Variants in SLC5A1 observed in about 807,000 individuals in gnomAD.
The protein encoded by SLC5A1 is sodium/glucose cotransporter 1.
A neutral mutation model predicts 73.5 loss-of-function variants in SLC5A1; 42 were observed. That is an observed-to-expected ratio of 0.57 (90% CI 0.45 to 0.74). The LOEUF (loss-of-function observed/expected upper bound fraction) is 0.74. Ranked by LOEUF, SLC5A1 falls within the 30% of genes least tolerant of loss-of-function variation. The pLI, the probability that SLC5A1 is intolerant of heterozygous loss-of-function variation, is 0.00. For synonymous variants in SLC5A1, 300 were observed against 317.4 expected (o/e 0.95, Z 0.58); for missense variants, 634 against 855.4 (o/e 0.74, Z 3.23).
Position 32,102,195 on chromosome 22 carries a change from C to T in SLC5A1, c.1623C>T (p.Ile541=), listed in dbSNP as rs200863427. The T allele has an allele frequency of 7.7e-5, 124 of 1,614,010 alleles. No individual in the cohort carries two copies. The highest frequency in any genetic ancestry group is 9.7e-5 in the Non-Finnish European group (115 of 1,180,016). Residue 541 remains isoleucine, a synonymous_variant, in exon 13 of 15, where the codon ATC becomes ATT. Coordinates refer to ENST00000266088, the MANE Select transcript of SLC5A1 (RefSeq NM_000343.4). The part of the protein sequence containing the change: ...IILFAISFIT[I]VVISLLTKPI... ...TCTTCGCCATTTCTTTCATCACCATCGTGGTCATCTCCCTCCTCACCAAAC... is the reference window on the plus strand; with the variant it reads ...TCTTCGCCATTTCTTTCATCACCATTGTGGTCATCTCCCTCCTCACCAAAC...
intron 1 of SLC5A1, 136 bp from the exon 2 acceptor site, chr22:32,049,807 G>T: frequency 1.3e-6 from 1 of 792,962 alleles, no homozygotes; most frequent in South Asian, 1.3e-5. Flanking sequence ...TGAGGCTGCA[G>T]GGGAAGAAGG....
At chr22:32,049,115 CATT>C (rs1223489573) in intron 1 of SLC5A1, among the ~76,000 whole-genome samples, 3 of 140,154 alleles carry the variant, frequency 2.1e-5, no homozygotes, top group East Asian at 2.0e-4. Context: ...TATATATAAT[CATT>C]ATATATATAT....
intron 2 of SLC5A1, among the ~76,000 whole-genome samples, chr22:32,052,893 G>A (rs946381494): frequency 2.6e-5 from 4 of 152,164 alleles, no homozygotes; most frequent in South Asian, 4.1e-4. Flanking sequence ...GGCCTCTGGT[G>A]CAGGGGCCAC....
chr22:32,084,297 G>A, intron 7 of SLC5A1, 142 bp from the exon 8 acceptor site: 1 of 730,896 alleles, frequency 1.4e-6, no homozygotes, highest in Non-Finnish European at 2.4e-6. Flanking sequence ...GCCCAGAATG[G>A]GAAGGTGATT....
At chr22:32,078,933 G>A (rs928542093) in intron 5 of SLC5A1, among the ~76,000 whole-genome samples, 1 of 119,680 alleles carries the variant, frequency 8.4e-6, no homozygotes. Flanking sequence ...CCAGCCTGGC[G>A]AAAGAGCAAG....
Position 32,066,956 on chromosome 22 carries a change from A to G in SLC5A1, c.229A>G (p.Ser77Gly). Residue 77 changes from serine (S) to glycine (G), a missense_variant, in exon 3 of 15, where the codon AGT (serine) becomes GGT (glycine). Around this residue, in one of 3 missense-constraint regions of SLC5A1, gnomAD observed 422 missense variants for 626.1 expected, o/e 0.67. Coordinates refer to ENST00000266088, the MANE Select transcript of SLC5A1 (RefSeq NM_000343.4). ...CCAGATTGGAGCCTCCCTCTTTGCTAGTAACATTGGAAGTGGCCACTTTGT... is the reference window on the plus strand; with the variant it reads ...CCAGATTGGAGCCTCCCTCTTTGCTGGTAACATTGGAAGTGGCCACTTTGT... ...WWPIGASLFA[S>G]NIGSGHFVGL... 2 of 1,613,292 alleles carry G rather than the reference A, an allele frequency of 1.2e-6. No homozygotes were observed. Among genetic ancestry groups the G allele is most frequent in the Non-Finnish European group, 1.7e-6 (2 of 1,179,422 alleles).
chr22:32,101,283 G>A (rs997177536), intron 12 of SLC5A1, among the ~76,000 whole-genome samples: 1 of 151,804 alleles, frequency 6.6e-6, no homozygotes, highest in Admixed American at 6.6e-5. Flanking sequence ...CTTTAGGTGA[G>A]GACTTACCTA....
chr22:32,076,960 T>C (rs987254609), intron 5 of SLC5A1, among the ~76,000 whole-genome samples: 6 of 152,224 alleles, frequency 3.9e-5, no homozygotes, highest in Non-Finnish European at 8.8e-5. Context: ...TTTTTGTAAG[T>C]AAAGTTTTAC....
At chr22:32,094,301 CTTTT>C (rs901686824) in intron 11 of SLC5A1, among the ~76,000 whole-genome samples, 2 of 152,002 alleles carry the variant, frequency 1.3e-5, no homozygotes, top group Non-Finnish European at 2.9e-5. Flanking sequence ...CTGTAGTTGT[CTTTT>C]TTTGTTATGT....
chr22:32,108,717 T>C (rs772286713), intron 14 of SLC5A1, among the ~76,000 whole-genome samples: 1 of 152,208 alleles, frequency 6.6e-6, no homozygotes, highest in East Asian at 1.9e-4. Flanking sequence ...AATTCTTCAT[T>C]AGTACAATGA....
intron 5 of SLC5A1, among the ~76,000 whole-genome samples, chr22:32,080,206 C>T (rs1339679098): frequency 6.6e-6 from 1 of 152,152 alleles, no homozygotes; most frequent in Non-Finnish European, 1.5e-5. Flanking sequence ...GCTCTGCCTC[C>T]CCTCCTTCAC....
At chr22:32,075,993 C>A (rs1218197794) in intron 5 of SLC5A1, among the ~76,000 whole-genome samples, 1 of 152,118 alleles carries the variant, frequency 6.6e-6, no homozygotes, top group Non-Finnish European at 1.5e-5. Context: ...TCCACACAAA[C>A]CAAGATTCAC....
chr22:32,049,095 T>A (rs8138459), intron 1 of SLC5A1, among the ~76,000 whole-genome samples: 6,009 of 131,108 alleles, frequency 0.046, 271 homozygotes, highest in Non-Finnish European at 0.06. Context: ...TAAATAAATA[T>A]ATATATATAT....
chr22:32,110,175 G>A lies in SLC5A1; in HGVS notation c.1957G>A (p.Val653Met), dbSNP rs1281443581. The A allele has an allele frequency of 1.9e-6, 3 of 1,614,000 alleles. No homozygotes were observed. The highest frequency in any genetic ancestry group is 1.3e-5 in the African/African-American group (1 of 74,918). ...TVLNVNGIIL[V>M]TVAVFCHAYF... ...GTTGAACGTCAATGGCATCATCCTG[G>A]TGACCGTGGCTGTCTTTTGCCATGC... Residue 653 changes from valine (V) to methionine (M), a missense_variant, in exon 15 of 15, where the codon GTG becomes ATG. Coordinates refer to ENST00000266088, the MANE Select transcript of SLC5A1 (RefSeq NM_000343.4).
chr22:32,100,682 C>T lies in SLC5A1; in HGVS notation c.1449+1331C>T, dbSNP rs78367368. On this transcript the variant is annotated intron_variant, in intron 12 of 14. Transcript: ENST00000266088. ...TCTTCTGCCTCAGCCTCCAAAGTAG[C>T]GAGGACTACAGGCACACCCCATGCC... is the stretch of plus-strand genomic sequence containing the variant. 7.4e-3 allele frequency among the ~76,000 whole-genome samples: 1,122 copies of T among 152,186 alleles called. 21 individuals carry two copies. The highest frequency in any genetic ancestry group is 0.026 in the African/African-American group (1,062 of 41,520).
chr22:32,112,117 A>G lies in SLC5A1; in HGVS notation c.*1904A>G, dbSNP rs764350194. Reference sequence around the variant, plus strand: ...AAACAGAGACATAAATGCCTGGCTCACAGATTTAAATGTTATACATTGACA... The same window carrying G: ...AAACAGAGACATAAATGCCTGGCTCGCAGATTTAAATGTTATACATTGACA... On this transcript the variant is annotated 3_prime_UTR_variant, in exon 15 of 15. Transcript: ENST00000266088. 4 of 152,222 alleles carry G rather than the reference A, an allele frequency of 2.6e-5. No homozygotes were observed. The highest frequency in any genetic ancestry group is 4.4e-5 in the Non-Finnish European group (3 of 68,048). 9.4% of individuals were successfully genotyped at this position (152,222 alleles called of 1,614,324 possible).
At chr22:32,081,260 A>G (rs2093999370) in intron 5 of SLC5A1, among the ~76,000 whole-genome samples, 1 of 152,206 alleles carries the variant, frequency 6.6e-6, no homozygotes, top group South Asian at 2.1e-4. Flanking sequence ...ATTACATGAA[A>G]TAATCTAAAT....
In SLC5A1 at chr22:32,110,564, T is replaced by TA. The variant is rs2094054841; in HGVS notation, c.*352dup. The TA allele has an allele frequency of 2.9e-6, 1 of 346,948 alleles. No homozygotes were observed. The highest frequency in any genetic ancestry group is 2.1e-5 in the African/African-American group (1 of 47,386). 21.5% of individuals were successfully genotyped at this position (346,948 alleles called of 1,614,324 possible). ...GTCAGTGTGGTTTATAATCCTTGAA[T>TA]ATTGTTTTAGAAACTTTGGTCTCCC... On this transcript the variant is annotated 3_prime_UTR_variant, in exon 15 of 15. Transcript: ENST00000266088.
intron 11 of SLC5A1, among the ~76,000 whole-genome samples, chr22:32,094,546 A>G (rs189402443): frequency 8.7e-4 from 132 of 152,198 alleles, no homozygotes; most frequent in African/African-American, 3.0e-3. Flanking sequence ...CAGGGTATCT[A>G]ATTCTTCCTG....
Sources: gnomAD v4.1 joint callset for allele counts (sites outside exome capture counted in the v4.1 genomes callset) on GRCh38, gnomAD v4.1.1 for gene constraint, gnomAD v4.1.1 regional missense constraint, MANE v1.5 for transcripts, NCBI Gene and HGNC (gene_info 2026-07-23, HGNC 2026-07-21) for gene names.